The following CYYR1 variants were observed in gnomAD, a reference collection of about 807,000 sequenced individuals.
The protein encoded by CYYR1 is cysteine and tyrosine-rich protein 1.
CYYR1 carries 14 observed loss-of-function variants against 15.2 expected under a neutral mutation model. That is an observed-to-expected ratio of 0.92 (90% confidence interval 0.61 to 1.44). The LOEUF is 1.44. CYYR1 is among the 40% of genes most tolerant of loss of function. The pLI is 0.00. For missense variants in CYYR1, 228 were observed against 209.5 expected (o/e 1.09, Z -0.54); for synonymous variants, 80 against 77.4 (o/e 1.03, Z -0.18).
intron 2 of CYYR1, among the ~76,000 whole-genome samples, chr21:26,516,983 C>T (rs199685531): frequency 0.083 from 12,298 of 148,784 alleles, 669 homozygotes; most frequent in African/African-American, 0.15. Flanking sequence ...GGCGTGGTAG[C>T]GGGCGCCTGT....
intron 2 of CYYR1, among the ~76,000 whole-genome samples, chr21:26,504,707 A>G (rs1378542760): frequency 6.6e-6 from 1 of 152,190 alleles, no homozygotes; most frequent in Non-Finnish European, 1.5e-5. Flanking sequence ...TTAAGTTATT[A>G]TTGACTATAG....
At chr21:26,568,448 T>A (rs1333036430) in intron 1 of CYYR1, 2 of 152,104 alleles carry the variant, frequency 1.3e-5, no homozygotes. Flanking sequence ...TTTTACCACA[T>A]ACAAAAATTA....
At chr21:26,509,570 A>G (rs952276940) in intron 2 of CYYR1, among the ~76,000 whole-genome samples, 1 of 152,184 alleles carries the variant, frequency 6.6e-6, no homozygotes, top group Non-Finnish European at 1.5e-5. Flanking sequence ...TGCAGTGACA[A>G]CTGGCCCTCA....
intron 2 of CYYR1, among the ~76,000 whole-genome samples, chr21:26,523,741 C>G (rs11908969): frequency 0.047 from 7,199 of 152,194 alleles, 205 homozygotes; most frequent in African/African-American, 0.062. Context: ...TCAGAGAAGC[C>G]TTTGTGACCA....
Position 26,572,901 on chromosome 21 carries a change from G to A in CYYR1, c.40C>T (p.Leu14Phe), listed in dbSNP as rs541639134. ...ACAAAGAGCAGGACCAACTTCGGAA[G>A]CAAGACCCCTGGACGCACGGGTAGC... is the stretch of plus-strand genomic sequence containing the variant. ...PRLPVRPGVLLPKLVLLFVYA... is the reference protein window; with the variant it reads ...PRLPVRPGVLFPKLVLLFVYA... Residue 14 changes from leucine (L) to phenylalanine (F), a missense_variant, in exon 1 of 4, where the codon CTT (leucine) becomes TTT (phenylalanine). By Grantham distance (22) the Leu-to-Phe change is conservative (BLOSUM62 0). Coordinates refer to ENST00000652641, the MANE Select transcript of CYYR1 (RefSeq NM_001320768.2). The A allele has an allele frequency of 1.9e-5, 30 of 1,614,102 alleles. No individual in the cohort carries two copies. Among genetic ancestry groups the A allele is most frequent in the Non-Finnish European group, 2.3e-5 (27 of 1,180,018 alleles).
Position 26,572,995 on chromosome 21 carries a change from T to C in CYYR1, c.-55A>G. On this transcript the variant is annotated 5_prime_UTR_variant, in exon 1 of 4. Coordinates refer to ENST00000652641, the MANE Select transcript of CYYR1 (RefSeq NM_001320768.2). ...AGGGAGAGCCCGGAACCGGAGGGAA[T>C]GGGGAGGATGGAGGGCGATCAGATG... 1 of 1,611,334 alleles carries C rather than the reference T, an allele frequency of 6.2e-7. No homozygotes were observed. The highest frequency in any genetic ancestry group is 2.2e-5 in the East Asian group (1 of 44,744).
chr21:26,558,413 TG>T (rs1979956107), intron 2 of CYYR1, among the ~76,000 whole-genome samples: 1 of 152,150 alleles, frequency 6.6e-6, no homozygotes, highest in Non-Finnish European at 1.5e-5. Context: ...TCAAATTCCT[TG>T]GCTCAGGCAA....
At chr21:26,498,963 C>A (rs907119338) in intron 2 of CYYR1, among the ~76,000 whole-genome samples, 3 of 152,046 alleles carry the variant, frequency 2.0e-5, no homozygotes, top group Non-Finnish European at 4.4e-5. Context: ...ATGGGAACTA[C>A]AATTCAAGAT....
At position 26,572,908 on chromosome 21, in the gene CYYR1, C is replaced by T. The variant is rs1981098561; in HGVS notation, c.33G>A (p.Gly11=). The change falls in exon 1 of 4, where the codon GGG becomes GGA. Residue 11 remains glycine (G), a synonymous_variant. Coordinates refer to ENST00000652641, the MANE Select transcript of CYYR1 (RefSeq NM_001320768.2). ...GCAGGACCAACTTCGGAAGCAAGACCCCTGGACGCACGGGTAGCCTCGGAG... is the reference window on the plus strand; with the variant it reads ...GCAGGACCAACTTCGGAAGCAAGACTCCTGGACGCACGGGTAGCCTCGGAG... MDAPRLPVRP[G]VLLPKLVLLF... is the part of the protein sequence containing the mutation. 6.2e-7 allele frequency: 1 copy of T among 1,614,078 alleles called. No homozygotes were observed. The highest frequency in any genetic ancestry group is 1.1e-5 in the South Asian group (1 of 91,084).
chr21:26,531,498 G>A (rs992064849), intron 2 of CYYR1, among the ~76,000 whole-genome samples: 4 of 152,000 alleles, frequency 2.6e-5, no homozygotes, highest in Non-Finnish European at 4.4e-5. Flanking sequence ...GAGTTTTCAC[G>A]AGATCTGGTT....
At chr21:26,508,770 GATCCTTGCAAGGATCT>G (rs897369381) in intron 2 of CYYR1, among the ~76,000 whole-genome samples, 102 of 152,226 alleles carry the variant, frequency 6.7e-4, no homozygotes, top group African/African-American at 2.3e-3. Flanking sequence ...GGAGAATAAA[GATCCTTGCAAGGATCT>G]ATTTGATAAC....
chr21:26,563,338 G>A (rs541497154), intron 2 of CYYR1, among the ~76,000 whole-genome samples: 6 of 151,690 alleles, frequency 4.0e-5, no homozygotes, highest in East Asian at 1.9e-4. Context: ...TTGGGAAGCC[G>A]AGGTGGGCAG....
intron 3 of CYYR1, among the ~76,000 whole-genome samples, chr21:26,474,095 G>A (rs2065070710): frequency 6.7e-6 from 1 of 148,666 alleles, no homozygotes; most frequent in African/African-American, 2.5e-5. Flanking sequence ...TGCCCAGGCT[G>A]GAGTGCAATG....
chr21:26,520,623 T>A (rs1032639921), intron 2 of CYYR1, among the ~76,000 whole-genome samples: 5 of 152,174 alleles, frequency 3.3e-5, no homozygotes, highest in Admixed American at 6.5e-5. Flanking sequence ...TGAAATGGTA[T>A]TTCTGGTTCT....
Position 26,573,088 on chromosome 21 carries a change from G to A in CYYR1, c.-148C>T, listed in dbSNP as rs372128791. ...GCCATTGCCTAGGGAGCCTTCCAAG[G>A]GAGCCCGGGCCGGGCGCGTCCCGGG... On this transcript the variant is annotated 5_prime_UTR_variant, in exon 1 of 4. Coordinates refer to ENST00000652641, the MANE Select transcript of CYYR1 (RefSeq NM_001320768.2). 3 of 1,535,040 alleles carry A rather than the reference G, an allele frequency of 2.0e-6. No individual in the cohort carries two copies. The highest frequency in any genetic ancestry group is 2.6e-6 in the Non-Finnish European group (3 of 1,144,596).
At chr21:26,518,827 T>A (rs544318659) in intron 2 of CYYR1, among the ~76,000 whole-genome samples, 6 of 152,186 alleles carry the variant, frequency 3.9e-5, no homozygotes, top group Non-Finnish European at 8.8e-5. Context: ...AAGAAAAGGA[T>A]GGGGCTCAGG....
At chr21:26,536,934 T>C (rs1432879377) in intron 2 of CYYR1, among the ~76,000 whole-genome samples, 6 of 152,316 alleles carry the variant, frequency 3.9e-5, no homozygotes, top group East Asian at 1.9e-4. Flanking sequence ...CAGATAGAGA[T>C]CCTGCACTCA....
At chr21:26,565,995 T>C (rs1980586861) in intron 2 of CYYR1, among the ~76,000 whole-genome samples, 1 of 152,220 alleles carries the variant, frequency 6.6e-6, no homozygotes, top group African/African-American at 2.4e-5. Flanking sequence ...TAAAACATTA[T>C]TATAGTACAC....
intron 2 of CYYR1, among the ~76,000 whole-genome samples, chr21:26,541,459 C>A (rs1978545700): frequency 6.6e-6 from 1 of 152,096 alleles, no homozygotes; most frequent in Non-Finnish European, 1.5e-5. Flanking sequence ...GTAATGACAT[C>A]TTTAAAAGTG....
Sources: allele counts gnomAD v4.1 joint callset (sites outside exome capture counted in the v4.1 genomes callset), GRCh38; gene constraint gnomAD v4.1.1; transcripts MANE v1.5; gene names NCBI Gene and HGNC (gene_info 2026-07-23, HGNC 2026-07-21).